PTPRZ1: variants seen among roughly 807,000 people sequenced by gnomAD.
PTPRZ1 encodes the protein receptor-type tyrosine-protein phosphatase zeta.
Under a neutral mutation model 214.1 loss-of-function variants are expected in PTPRZ1, and 82 were observed. The ratio of observed to expected loss-of-function variants is 0.38; its 90% CI spans 0.32 to 0.46. The LOEUF (loss-of-function observed/expected upper bound fraction) is 0.46. PTPRZ1 is among the 20% of genes least tolerant of loss of function. The pLI is 1.00. For synonymous variants in PTPRZ1, 945 were observed against 987.9 expected (o/e 0.96, Z 0.81); for missense variants, 2,603 against 2,748.7 (o/e 0.95, Z 1.19).
At chr7:121,974,999 A>G (rs1374548629) in intron 4 of PTPRZ1, among the ~76,000 whole-genome samples, 1 of 152,100 alleles carries the variant, frequency 6.6e-6, no homozygotes, top group East Asian at 1.9e-4. Context: ...TAGTCTGGGC[A>G]ACATAGTGAG....
chr7:121,942,599 A>G (rs959969660), intron 2 of PTPRZ1, among the ~76,000 whole-genome samples: 3 of 152,184 alleles, frequency 2.0e-5, no homozygotes, highest in African/African-American at 7.2e-5. Flanking sequence ...ACAAGAGAGA[A>G]AGCTTGATTT....
intron 1 of PTPRZ1, among the ~76,000 whole-genome samples, chr7:121,923,322 T>C (rs1209825942): frequency 6.6e-6 from 1 of 152,204 alleles, no homozygotes; most frequent in East Asian, 1.9e-4. Flanking sequence ...TAGTAACTTC[T>C]TTAAAGGACG....
intron 6 of PTPRZ1, among the ~76,000 whole-genome samples, chr7:121,982,520 T>G: frequency 6.6e-6 from 1 of 152,210 alleles, no homozygotes. Context: ...GAACATAATC[T>G]TTCTGCCATT....
chr7:121,916,704 A>G (rs1206494), intron 1 of PTPRZ1, among the ~76,000 whole-genome samples: 104,335 of 152,178 alleles, frequency 0.69, 37,360 homozygotes, highest in African/African-American at 0.9. Context: ...ACTGCAGAGT[A>G]CATTCAAATT....
intron 3 of PTPRZ1, among the ~76,000 whole-genome samples, chr7:121,970,628 T>C (rs908201351): frequency 1.3e-5 from 2 of 152,218 alleles, no homozygotes; most frequent in African/African-American, 2.4e-5. Flanking sequence ...TTATATCCTT[T>C]GCCCACTTTT....
At chr7:121,959,642 T>G (rs1796816768) in intron 2 of PTPRZ1, among the ~76,000 whole-genome samples, 1 of 152,204 alleles carries the variant, frequency 6.6e-6, no homozygotes, top group Non-Finnish European at 1.5e-5. Context: ...GGAAGCCCCT[T>G]TTTTCAAACA....
chr7:122,044,112 G>A (rs1454737135), intron 22 of PTPRZ1, among the ~76,000 whole-genome samples: 1 of 152,160 alleles, frequency 6.6e-6, no homozygotes, highest in Non-Finnish European at 1.5e-5. Flanking sequence ...AAGTATAGAG[G>A]TGTCAAGTTT....
chr7:122,027,653 G>T (rs1197460674), intron 13 of PTPRZ1, among the ~76,000 whole-genome samples: 1 of 152,156 alleles, frequency 6.6e-6, no homozygotes, highest in Non-Finnish European at 1.5e-5. Context: ...AGTGTCATTA[G>T]CAGTTTTAAT....
chr7:122,011,024 A>G lies in PTPRZ1; in HGVS notation c.1978A>G (p.Ile660Val), dbSNP rs1798643572. 3 of 1,614,056 alleles carry G rather than the reference A, an allele frequency of 1.9e-6. No homozygotes were observed. Among genetic ancestry groups the G allele is most frequent in the African/African-American group, 2.7e-5 (2 of 74,940 alleles). ...TGTGTGGTTTCCTAGCTCTACAGAC[A>G]TAACAGCACAGCCCGATGTTGGATC... ...GNVWFPSSTD[I>V]TAQPDVGSGR... The change falls in exon 12 of 30, where the codon ATA becomes GTA. Residue 660 changes from isoleucine (I) to valine (V), a missense_variant. Physicochemically the swap from Ile to Val is conservative, Grantham distance 29. Transcript: ENST00000393386.
At chr7:122,016,702 CAT>C (rs751850419) in intron 12 of PTPRZ1, among the ~76,000 whole-genome samples, 23 of 151,386 alleles carry the variant, frequency 1.5e-4, no homozygotes, top group Admixed American at 1.2e-3. Context: ...ACATATATGA[CAT>C]ATATGATAGG....
intron 1 of PTPRZ1, among the ~76,000 whole-genome samples, chr7:121,898,642 T>C (rs1388134294): frequency 1.3e-5 from 2 of 152,170 alleles, no homozygotes; most frequent in African/African-American, 4.8e-5. Context: ...TATGTTTCTT[T>C]TGAGGAAATT....
At chr7:121,944,270 TA>T (rs777270774) in intron 2 of PTPRZ1, among the ~76,000 whole-genome samples, 1 of 152,192 alleles carries the variant, frequency 6.6e-6, no homozygotes, top group Non-Finnish European at 1.5e-5. Context: ...TTTCCTTTTT[TA>T]TAATCTTTGT....
At chr7:121,890,024 G>T (rs1338367361) in intron 1 of PTPRZ1, among the ~76,000 whole-genome samples, 1 of 152,004 alleles carries the variant, frequency 6.6e-6, no homozygotes. Context: ...TCTAAACATT[G>T]TAGTCCTGAG....
At chr7:121,884,245 A>G (rs1214076428) in intron 1 of PTPRZ1, among the ~76,000 whole-genome samples, 1 of 152,096 alleles carries the variant, frequency 6.6e-6, no homozygotes, top group Non-Finnish European at 1.5e-5. Context: ...GTAATGGTTT[A>G]TATATATAAA....
chr7:122,040,200 G>A (rs1469378657), intron 20 of PTPRZ1, among the ~76,000 whole-genome samples: 1 of 152,050 alleles, frequency 6.6e-6, no homozygotes, highest in Non-Finnish European at 1.5e-5. Flanking sequence ...TAAAAAGAGT[G>A]GAGAGTGAAA....
At position 122,061,317 on chromosome 7, in the gene PTPRZ1, C is replaced by G. The variant is rs930219069; in HGVS notation, c.*97C>G. 2.5e-6 allele frequency: 3 copies of G among 1,190,076 alleles called. No individual in the cohort carries two copies. Among genetic ancestry groups the G allele is most frequent in the Non-Finnish European group, 2.2e-6 (2 of 900,436 alleles). 73.7% of individuals were successfully genotyped at this position (1,190,076 alleles called of 1,614,324 possible). ...TCTAGTTCTGTTATCTGTTGATTTC[C>G]CATCACCTGACAGTAACTTTCATGA... is the stretch of plus-strand genomic sequence containing the variant. On this transcript the variant is annotated 3_prime_UTR_variant, in exon 30 of 30. Coordinates refer to ENST00000393386, the MANE Select transcript of PTPRZ1 (RefSeq NM_002851.3).
At chr7:121,975,705 A>G (rs112734672) in intron 4 of PTPRZ1, among the ~76,000 whole-genome samples, 1 of 152,284 alleles carries the variant, frequency 6.6e-6, no homozygotes, top group African/African-American at 2.4e-5. Flanking sequence ...GGATAGCCTC[A>G]CAGCTGGAAA....
Position 122,010,552 on chromosome 7 carries a change from C to T in PTPRZ1, c.1506C>T (p.Ser502=), listed in dbSNP as rs1003953446. 3 of 1,613,308 alleles carry T rather than the reference C, an allele frequency of 1.9e-6. No individual in the cohort carries two copies. The highest frequency in any genetic ancestry group is 2.2e-5 in the East Asian group (1 of 44,866). Residue 502 remains serine (S), a synonymous_variant, in exon 12 of 30, where the codon TCC becomes TCT. Coordinates refer to ENST00000393386, the MANE Select transcript of PTPRZ1 (RefSeq NM_002851.3). ...ATGTTCCCAATACATCTTTAAATTC[C>T]ACTTCCCAACCAGTCACTAAATTAG... The part of the protein sequence containing the change: ...KGDVPNTSLN[S]TSQPVTKLAT...
intron 1 of PTPRZ1, among the ~76,000 whole-genome samples, chr7:121,926,769 G>C (rs1480681629): frequency 1.3e-5 from 2 of 152,108 alleles, no homozygotes; most frequent in Non-Finnish European, 2.9e-5. Context: ...CCATTGACTT[G>C]TACACTTTAA....
Sources: gnomAD v4.1 joint callset for allele counts (sites outside exome capture counted in the v4.1 genomes callset) on GRCh38, gnomAD v4.1.1 for gene constraint, MANE v1.5 for transcripts, NCBI Gene and HGNC (gene_info 2026-07-23, HGNC 2026-07-21) for gene names.